The following DPP10 variants were observed in gnomAD, a reference collection of about 807,000 sequenced individuals.
DPP10 encodes the protein dipeptidyl peptidase like 10, also known as inactive dipeptidyl peptidase 10.
DPP10 carries 33 observed loss-of-function variants against 120.9 expected under a neutral mutation model. That is an observed-to-expected ratio of 0.27 (90% confidence interval 0.21 to 0.37). DPP10 has a LOEUF of 0.37. Ranked by LOEUF, DPP10 falls within the 10% of genes least tolerant of loss-of-function variation. The pLI, the probability that DPP10 is intolerant of heterozygous loss-of-function variation, is 1.00. For missense variants in DPP10, 816 were observed against 942.8 expected, an observed-to-expected ratio of 0.87 and a Z score of 1.76; for synonymous variants, 337 against 326.1, an observed-to-expected ratio of 1.03 and a Z score of -0.36.
intron 1 of DPP10, among the ~76,000 whole-genome samples, chr2:114,497,216 T>C (rs1219761249): frequency 6.7e-6 from 1 of 150,062 alleles, no homozygotes; most frequent in Non-Finnish European, 1.5e-5. Context: ...TACATATACG[T>C]GTGTATGCAT....
At chr2:115,269,213 A>G (rs2059590305) in intron 1 of DPP10, among the ~76,000 whole-genome samples, 1 of 152,206 alleles carries the variant, frequency 6.6e-6, no homozygotes, top group Non-Finnish European at 1.5e-5. Context: ...AACTGGTTTA[A>G]AGCTCAAGAT....
At chr2:114,500,299 C>T (rs796735295) in intron 1 of DPP10, among the ~76,000 whole-genome samples, 4 of 152,188 alleles carry the variant, frequency 2.6e-5, no homozygotes, top group African/African-American at 9.6e-5. Context: ...TGAACAAATC[C>T]CAGAAGAGAA....
rs140910242 is a variant in DPP10, at chr2:114,506,701, C to T, written c.60+63863C>T. ...CCGTGTCCACTCACCTGCTCTCCCC[C>T]TCCCACAAAAGGTGGAACACAACTG... On this transcript the variant is annotated intron_variant, in intron 1 of 25. Coordinates refer to ENST00000410059, the MANE Select transcript of DPP10 (RefSeq NM_020868.6). Among the ~76,000 whole-genome samples, 1,281 of 152,296 alleles carry T rather than the reference C, an allele frequency of 8.4e-3. 17 individuals carry two copies. The highest frequency in any genetic ancestry group is 0.029 in the African/African-American group (1,224 of 41,554).
chr2:115,066,216 T>A (rs1383386996), intron 1 of DPP10, among the ~76,000 whole-genome samples: 2 of 152,198 alleles, frequency 1.3e-5, no homozygotes, highest in Admixed American at 1.3e-4. Flanking sequence ...ATGTATGTTT[T>A]TCACGTTATA....
intron 1 of DPP10, among the ~76,000 whole-genome samples, chr2:114,473,595 T>A (rs574106710): frequency 6.6e-6 from 1 of 152,300 alleles, no homozygotes; most frequent in East Asian, 1.9e-4. Context: ...CAATCGAAGA[T>A]GTAGTTTAAA....
chr2:114,550,606 T>C (rs1687808620), intron 1 of DPP10, among the ~76,000 whole-genome samples: 1 of 152,226 alleles, frequency 6.6e-6, no homozygotes, highest in Admixed American at 6.5e-5. Context: ...TTTCCTCACT[T>C]TGAAGCAACC....
At chr2:114,749,979 G>A (rs1250834144) in intron 1 of DPP10, among the ~76,000 whole-genome samples, 1 of 152,108 alleles carries the variant, frequency 6.6e-6, no homozygotes, top group Non-Finnish European at 1.5e-5. Flanking sequence ...AGAGAAACAT[G>A]GGCATAAAAA....
chr2:114,462,177 T>C, intron 1 of DPP10: 1 of 983,826 alleles, frequency 1.0e-6, no homozygotes, highest in Non-Finnish European at 1.2e-6. Flanking sequence ...ATTAAAGTCT[T>C]AGAATAGTTT....
At chr2:115,221,334 G>A (rs1389109735) in intron 1 of DPP10, among the ~76,000 whole-genome samples, 1 of 152,104 alleles carries the variant, frequency 6.6e-6, no homozygotes, top group Non-Finnish European at 1.5e-5. Flanking sequence ...ATTTGTGTTA[G>A]CATATGTTCC....
intron 5 of DPP10, among the ~76,000 whole-genome samples, chr2:115,550,237 A>G (rs971418870): frequency 2.6e-5 from 4 of 152,214 alleles, no homozygotes; most frequent in Non-Finnish European, 4.4e-5. Flanking sequence ...CATGAATTAC[A>G]TAGTGAAATA....
At chr2:115,312,040 G>T (rs1162143647) in intron 2 of DPP10, among the ~76,000 whole-genome samples, 1 of 152,062 alleles carries the variant, frequency 6.6e-6, no homozygotes, top group Admixed American at 6.6e-5. Flanking sequence ...ACAATCATAA[G>T]CCACCACACC....
intron 1 of DPP10, among the ~76,000 whole-genome samples, chr2:115,253,477 T>C (rs1215026734): frequency 1.3e-5 from 2 of 152,092 alleles, no homozygotes; most frequent in Non-Finnish European, 2.9e-5. Context: ...TGAGACAAGG[T>C]GAGTCCCTTA....
At chr2:115,326,016 GAAT>G (rs1347431712) in intron 2 of DPP10, among the ~76,000 whole-genome samples, 1 of 152,102 alleles carries the variant, frequency 6.6e-6, no homozygotes, top group Non-Finnish European at 1.5e-5. Context: ...TGTAAAATCT[GAAT>G]AATATTTTAA....
intron 1 of DPP10, among the ~76,000 whole-genome samples, chr2:114,619,888 A>G (rs937085847): frequency 1.3e-5 from 2 of 151,908 alleles, no homozygotes; most frequent in South Asian, 4.1e-4. Flanking sequence ...TCCTGTTACT[A>G]CTAATACTAC....
At chr2:114,942,288 T>A (rs2104574268) in intron 1 of DPP10, among the ~76,000 whole-genome samples, 1 of 130,030 alleles carries the variant, frequency 7.7e-6, no homozygotes, top group East Asian at 2.2e-4. Flanking sequence ...AAAAAATGTG[T>A]ATATATATAC....
chr2:115,602,144 A>G (rs984779348), intron 5 of DPP10, among the ~76,000 whole-genome samples: 2 of 152,216 alleles, frequency 1.3e-5, no homozygotes, highest in Non-Finnish European at 2.9e-5. Context: ...AACAGTCTCT[A>G]AGTAAAATTC....
At chr2:114,920,814 G>C (rs956925515) in intron 1 of DPP10, among the ~76,000 whole-genome samples, 1 of 152,082 alleles carries the variant, frequency 6.6e-6, no homozygotes, top group Non-Finnish European at 1.5e-5. Context: ...AATCTCCCCA[G>C]TCTACTCAAG....
intron 1 of DPP10, among the ~76,000 whole-genome samples, chr2:114,944,197 T>C (rs1255121783): frequency 1.3e-5 from 2 of 152,172 alleles, no homozygotes; most frequent in Admixed American, 6.5e-5. Flanking sequence ...TTAAAGTAGA[T>C]ATTTCCTTGA....
chr2:115,378,227 A>C lies in DPP10; in HGVS notation c.271+34315A>C, dbSNP rs554540120. Reference sequence around the variant, plus strand: ...ATTTGTTTGTATCCTCTTTTATTTCATCGAGCAGTGGTTTGTAGTTCTCCT... The same window carrying C: ...ATTTGTTTGTATCCTCTTTTATTTCCTCGAGCAGTGGTTTGTAGTTCTCCT... On this transcript the variant is annotated intron_variant, in intron 3 of 25. Transcript: ENST00000410059. Among the ~76,000 whole-genome samples, 1,502 of 151,230 alleles carry C rather than the reference A, an allele frequency of 9.9e-3. 17 individuals carry two copies. The highest frequency in any genetic ancestry group is 0.011 in the African/African-American group (454 of 41,280).
Sources: allele counts gnomAD v4.1 joint callset (sites outside exome capture counted in the v4.1 genomes callset), GRCh38; gene constraint gnomAD v4.1.1; transcripts MANE v1.5; gene names NCBI Gene and HGNC (gene_info 2026-07-23, HGNC 2026-07-21).